Variants in GRIK4 observed in about 807,000 individuals in gnomAD.
The protein encoded by GRIK4 is glutamate receptor ionotropic, kainate 4.
Under a neutral mutation model 104.9 loss-of-function variants are expected in GRIK4, and 40 were observed. The observed-to-expected ratio is 0.38, with a 90% CI of 0.30 to 0.50. GRIK4 has a LOEUF of 0.50. Among genes scored for constraint, GRIK4 ranks in the 20% least tolerant of loss-of-function variants. The probability of loss-of-function intolerance (pLI) is 0.93; values close to 1 mark genes in which losing one functional copy is unlikely to be tolerated. For synonymous variants in GRIK4, 485 were observed against 524.9 expected (o/e 0.92, Z 1.04); for missense variants, 1,047 against 1,308.1 (o/e 0.80, Z 3.08).
chr11:120,943,936 A>G (rs1943789397), intron 14 of GRIK4, among the ~76,000 whole-genome samples: 1 of 152,198 alleles, frequency 6.6e-6, no homozygotes, highest in Non-Finnish European at 1.5e-5. Flanking sequence ...CATTTTCATG[A>G]ACACAGATCA....
chr11:120,871,899 T>G (rs1423856976), intron 9 of GRIK4: 1 of 456,296 alleles, frequency 2.2e-6, no homozygotes, highest in South Asian at 1.5e-5. Context: ...GTTGACTGTT[T>G]TGCTCTGTAA....
chr11:120,936,442 T>A, intron 13 of GRIK4: 2 of 229,896 alleles, frequency 8.7e-6, no homozygotes, highest in South Asian at 1.2e-4. Context: ...TCATTTCTCT[T>A]TCATAACAGG....
At chr11:120,566,709 T>G (rs544333760) in intron 1 of GRIK4, among the ~76,000 whole-genome samples, 1 of 150,194 alleles carries the variant, frequency 6.7e-6, no homozygotes, top group Non-Finnish European at 1.5e-5. Flanking sequence ...ACCCTCAGTT[T>G]TTTTTTTTTT....
chr11:120,835,974 G>A (rs1056655792), intron 7 of GRIK4, among the ~76,000 whole-genome samples: 8 of 152,174 alleles, frequency 5.3e-5, no homozygotes, highest in Non-Finnish European at 8.8e-5. Context: ...GATTCCTTAC[G>A]ACAAATAAAG....
At chr11:120,858,734 G>A (rs962907341) in intron 8 of GRIK4, among the ~76,000 whole-genome samples, 49 of 152,144 alleles carry the variant, frequency 3.2e-4, no homozygotes, top group African/African-American at 1.1e-3. Context: ...CACATAAGAT[G>A]TTCATTGTTT....
chr11:120,754,577 A>T (rs1020398840), intron 3 of GRIK4, among the ~76,000 whole-genome samples: 1 of 152,186 alleles, frequency 6.6e-6, no homozygotes, highest in African/African-American at 2.4e-5. Context: ...TTAGGTGGAC[A>T]CATGTTTTCG....
chr11:120,889,618 T>TTTTTTTTTTTTTTTTTTTG, intron 11 of GRIK4, among the ~76,000 whole-genome samples: 2 of 139,100 alleles, frequency 1.4e-5, no homozygotes, highest in Admixed American at 7.1e-5. Flanking sequence ...TTTTTTTTTT[T>TTTTTTTTTTTTTTTTTTTG]TATGAGATGG....
At chr11:120,785,597 T>C (rs1243848573) in intron 3 of GRIK4, among the ~76,000 whole-genome samples, 1 of 152,162 alleles carries the variant, frequency 6.6e-6, no homozygotes, top group Non-Finnish European at 1.5e-5. Context: ...GTGAACCTTG[T>C]GAAAGTCCGA....
At chr11:120,627,708 GCCCTGCT>G (rs1949279683) in intron 1 of GRIK4, among the ~76,000 whole-genome samples, 1 of 152,208 alleles carries the variant, frequency 6.6e-6, no homozygotes, top group African/African-American at 2.4e-5. Context: ...CCCTGGTGTA[GCCCTGCT>G]GGACCTCTGC....
At chr11:120,685,246 C>T (rs1007637131) in intron 3 of GRIK4, among the ~76,000 whole-genome samples, 1 of 152,186 alleles carries the variant, frequency 6.6e-6, no homozygotes, top group African/African-American at 2.4e-5. Context: ...GACCCTCAGA[C>T]CAGCAGCATT....
chr11:120,975,778 G>A (rs1245893266), intron 19 of GRIK4, among the ~76,000 whole-genome samples: 1 of 152,172 alleles, frequency 6.6e-6, no homozygotes, highest in Non-Finnish European at 1.5e-5. Context: ...TGGATGCCGA[G>A]TGACTGGGAG....
intron 1 of GRIK4, among the ~76,000 whole-genome samples, chr11:120,571,382 C>CT (rs1480289433): frequency 1.3e-5 from 2 of 152,184 alleles, no homozygotes; most frequent in African/African-American, 2.4e-5. Context: ...ACAGCAGTCT[C>CT]TTTTCCCCTG....
At chr11:120,874,460 C>T (rs1180071391) in intron 10 of GRIK4, among the ~76,000 whole-genome samples, 5 of 152,212 alleles carry the variant, frequency 3.3e-5, no homozygotes, top group Admixed American at 3.3e-4. Context: ...AGCCCTCGAG[C>T]CTTACACTAT....
At chr11:120,853,523 A>G (rs1485647276) in intron 8 of GRIK4, among the ~76,000 whole-genome samples, 2 of 152,210 alleles carry the variant, frequency 1.3e-5, no homozygotes, top group Admixed American at 1.3e-4. Context: ...AATGTCCTCA[A>G]ATGACAATAA....
intron 5 of GRIK4, among the ~76,000 whole-genome samples, chr11:120,818,200 C>T (rs576516639): frequency 1.3e-5 from 2 of 152,196 alleles, no homozygotes; most frequent in African/African-American, 4.8e-5. Flanking sequence ...CTATTGGATT[C>T]GCTGCTAATG....
chr11:120,801,407 A>G (rs2135510466), intron 3 of GRIK4, among the ~76,000 whole-genome samples: 1 of 152,164 alleles, frequency 6.6e-6, no homozygotes, highest in East Asian at 1.9e-4. Flanking sequence ...TTGTGTTTTT[A>G]TTAGAGACAG....
chr11:120,731,042 T>A (rs1291675862), intron 3 of GRIK4, among the ~76,000 whole-genome samples: 1 of 152,156 alleles, frequency 6.6e-6, no homozygotes, highest in African/African-American at 2.4e-5. Flanking sequence ...TTTTCAGTTT[T>A]GATGCTGTTT....
chr11:120,719,417 A>G (rs1004499848), intron 3 of GRIK4, among the ~76,000 whole-genome samples: 15 of 152,150 alleles, frequency 9.9e-5, no homozygotes, highest in African/African-American at 3.1e-4. Context: ...ACGGATCTAG[A>G]TTCAAATCGG....
At chr11:120,839,225 T>TG (rs139833469) in intron 8 of GRIK4, among the ~76,000 whole-genome samples, 2,262 of 152,282 alleles carry the variant, frequency 0.015, 60 homozygotes, top group African/African-American at 0.051. Context: ...CTGAATCCCT[T>TG]GGGGATCTCC....
Sources: allele counts gnomAD v4.1 joint callset (sites outside exome capture counted in the v4.1 genomes callset), GRCh38; gene constraint gnomAD v4.1.1; transcripts MANE v1.5; gene names NCBI Gene and HGNC (gene_info 2026-07-23, HGNC 2026-07-21).